The following MLANA variants were observed in gnomAD, a reference collection of about 807,000 sequenced individuals.
MLANA encodes the protein melanoma antigen recognized by T-cells 1.
MLANA carries 21 observed loss-of-function variants against 15.7 expected under a neutral mutation model. The observed-to-expected ratio is 1.33, with a 90% CI of 0.95 to 1.92. MLANA has a LOEUF of 1.92. Among genes scored for constraint, MLANA ranks in the 40% most tolerant of loss-of-function variants. The pLI is 0.00. For missense variants in MLANA, 164 were observed against 143.8 expected, an observed-to-expected ratio of 1.14 and a Z score of -0.72; for synonymous variants, 56 against 51.5, an observed-to-expected ratio of 1.09 and a Z score of -0.37.
At chr9:5,895,620 T>C (rs1436032817) in intron 2 of MLANA, among the ~76,000 whole-genome samples, 2 of 152,226 alleles carry the variant, frequency 1.3e-5, no homozygotes, top group Non-Finnish European at 2.9e-5. Flanking sequence ...GTTCTCACAG[T>C]TGGGTGGACA....
intron 3 of MLANA, among the ~76,000 whole-genome samples, chr9:5,902,700 TCTCA>T (rs1311822243): frequency 6.6e-6 from 1 of 151,040 alleles, no homozygotes; most frequent in Non-Finnish European, 1.5e-5. Context: ...AGAGACAGAG[TCTCA>T]CTATGTTGCT....
At chr9:5,897,796 A>C (rs748104195) in intron 3 of MLANA, 143 bp downstream of exon 3, 130 of 748,960 alleles carry the variant, frequency 1.7e-4, no homozygotes, top group Non-Finnish European at 2.3e-4. Flanking sequence ...CTTTTGCTAC[A>C]TTGTACTTTG....
Position 5,893,645 on chromosome 9 carries a change from T to C in MLANA, c.77+1094T>C, listed in dbSNP as rs545274795. 4.7e-4 allele frequency among the ~76,000 whole-genome samples: 72 copies of C among 152,322 alleles called. 1 individual carries two copies. The highest frequency in any genetic ancestry group is 1.7e-3 in the African/African-American group (71 of 41,558). On this transcript the variant is annotated intron_variant, in intron 2 of 4. Coordinates refer to ENST00000381477, the MANE Select transcript of MLANA (RefSeq NM_005511.2). ...ATTGCCCGTGCTATTAGTTAGGGTA[T>C]CGTTTCAGCTTGTGTATAATCACTC...
chr9:5,903,159 G>A (rs982611760), intron 3 of MLANA, among the ~76,000 whole-genome samples: 2 of 152,078 alleles, frequency 1.3e-5, no homozygotes, highest in African/African-American at 4.8e-5. Context: ...ATTGATTTCT[G>A]CTTTAATTCT....
At chr9:5,893,423 T>C (rs1042502396) in intron 2 of MLANA, among the ~76,000 whole-genome samples, 5 of 152,136 alleles carry the variant, frequency 3.3e-5, no homozygotes, top group Admixed American at 2.6e-4. Context: ...CAATCTTTGT[T>C]AACAGTCAAC....
At chr9:5,891,147 GA>G (rs1320107450) in intron 1 of MLANA, 1 of 152,166 alleles carries the variant, frequency 6.6e-6, no homozygotes, top group Non-Finnish European at 1.5e-5. Context: ...CTACCAAGAA[GA>G]AAAGCAATTA....
chr9:5,901,682 C>A (rs1051658756), intron 3 of MLANA, among the ~76,000 whole-genome samples: 24 of 152,046 alleles, frequency 1.6e-4, no homozygotes, highest in African/African-American at 5.8e-4. Context: ...CCACGCCTGG[C>A]TAAATTTTTT....
At chr9:5,904,776 CTT>C (rs538770905) in intron 3 of MLANA, among the ~76,000 whole-genome samples, 11 of 128,916 alleles carry the variant, frequency 8.5e-5, no homozygotes, top group Non-Finnish European at 1.2e-4. Flanking sequence ...AGTTACACTT[CTT>C]TTTTTTTTTT....
chr9:5,900,178 C>A (rs1832322539), intron 3 of MLANA, among the ~76,000 whole-genome samples: 1 of 152,060 alleles, frequency 6.6e-6, no homozygotes, highest in African/African-American at 2.4e-5. Context: ...ATCTTAAATT[C>A]ATTTAATTGA....
intron 4 of MLANA, among the ~76,000 whole-genome samples, chr9:5,907,885 G>A (rs1297304940): frequency 4.6e-5 from 7 of 152,300 alleles, no homozygotes; most frequent in African/African-American, 1.7e-4. Context: ...CCCGGGAGGT[G>A]GAGGTTGCAG....
chr9:5,907,222 G>C (rs1241458482), intron 4 of MLANA: 1 of 305,976 alleles, frequency 3.3e-6, no homozygotes, highest in Non-Finnish European at 5.9e-6. Flanking sequence ...TTTCTTAATT[G>C]TGTTGTCACA....
intron 2 of MLANA, among the ~76,000 whole-genome samples, chr9:5,893,448 A>G (rs1446079429): frequency 6.6e-6 from 1 of 152,224 alleles, no homozygotes; most frequent in African/African-American, 2.4e-5. Context: ...GGGACCAGCA[A>G]GATGTAAAGC....
At chr9:5,905,427 A>T (rs901313825) in intron 3 of MLANA, among the ~76,000 whole-genome samples, 5 of 152,212 alleles carry the variant, frequency 3.3e-5, no homozygotes, top group African/African-American at 1.2e-4. Flanking sequence ...TGACAGAATG[A>T]ACTCTTTGTG....
At chr9:5,897,821 G>A (rs912321888) in intron 3 of MLANA, among the ~76,000 whole-genome samples, 168 bp downstream of exon 3, 1 of 152,158 alleles carries the variant, frequency 6.6e-6, no homozygotes, top group African/African-American at 2.4e-5. Flanking sequence ...CTCTACCTTT[G>A]CCTCTGCTCA....
At chr9:5,901,566 T>C (rs961013521) in intron 3 of MLANA, among the ~76,000 whole-genome samples, 1 of 152,212 alleles carries the variant, frequency 6.6e-6, no homozygotes, top group African/African-American at 2.4e-5. Context: ...TCACCCAGGC[T>C]GGAGTGCAGT....
chr9:5,897,802 CT>C, intron 3 of MLANA, 149 bp downstream of exon 3: 1 of 715,984 alleles, frequency 1.4e-6, no homozygotes, highest in South Asian at 1.7e-5. Context: ...CTACATTGTA[CT>C]TTGGCAACTC....
chr9:5,903,357 G>A (rs1832573082), intron 3 of MLANA, among the ~76,000 whole-genome samples: 1 of 152,102 alleles, frequency 6.6e-6, no homozygotes, highest in Admixed American at 6.5e-5. Context: ...ATTTTGTTGA[G>A]TTCCACTCTG....
intron 4 of MLANA, 22 bp downstream of exon 4, chr9:5,907,020 G>T: frequency 6.7e-7 from 1 of 1,487,676 alleles, no homozygotes; most frequent in South Asian, 1.3e-5. Flanking sequence ...TCCTTCATAA[G>T]GGTATTTTCA....
chr9:5,893,332 C>A (rs1831779503), intron 2 of MLANA, among the ~76,000 whole-genome samples: 1 of 152,128 alleles, frequency 6.6e-6, no homozygotes, highest in African/African-American at 2.4e-5. Context: ...CTGCGTGGGA[C>A]TCTAACAGGA....
Sources: gnomAD v4.1 joint callset for allele counts (sites outside exome capture counted in the v4.1 genomes callset) on GRCh38, gnomAD v4.1.1 for gene constraint, MANE v1.5 for transcripts, NCBI Gene and HGNC (gene_info 2026-07-23, HGNC 2026-07-21) for gene names.